FARS2: variants seen among roughly 807,000 people sequenced by gnomAD.
FARS2 encodes phenylalanine--tRNA ligase, mitochondrial.
FARS2 carries 40 observed loss-of-function variants against 46.4 expected under a neutral mutation model. The observed-to-expected ratio is 0.86, with a 90% CI of 0.67 to 1.12. The LOEUF is 1.12. Ranked by LOEUF, FARS2 falls within the 50% of genes most tolerant of loss-of-function variation. The pLI is 0.00. For synonymous variants in FARS2, 234 were observed against 214.9 expected (o/e 1.09, Z -0.78); for missense variants, 513 against 567.9 (o/e 0.90, Z 0.98).
At chr6:5,512,325 GTGCTACCTCTA>G (rs1561675474) in intron 4 of FARS2, among the ~76,000 whole-genome samples, 2 of 152,034 alleles carry the variant, frequency 1.3e-5, no homozygotes, top group Admixed American at 1.3e-4. Flanking sequence ...CCATTACCTG[GTGCTACCTCTA>G]TGCTACCTCA....
intron 4 of FARS2, among the ~76,000 whole-genome samples, chr6:5,436,878 A>G (rs1217072997): frequency 2.0e-5 from 3 of 152,228 alleles, no homozygotes; most frequent in Non-Finnish European, 2.9e-5. Context: ...TATCTATAGC[A>G]TAGGTTGAAT....
At chr6:5,659,869 G>A (rs1194725180) in intron 6 of FARS2, among the ~76,000 whole-genome samples, 1 of 152,214 alleles carries the variant, frequency 6.6e-6, no homozygotes, top group African/African-American at 2.4e-5. Context: ...TTGTTCACAG[G>A]TATTTCATGT....
rs114865196 is a variant in FARS2, at chr6:5,478,542, C to T, written c.904+47370C>T. 4.4e-3 allele frequency among the ~76,000 whole-genome samples: 677 copies of T among 152,260 alleles called. 6 individuals are homozygous for T. Among genetic ancestry groups the T allele is most frequent in the African/African-American group, 0.016 (647 of 41,532 alleles). ...TGTTTCCCAGACCCTGGCTGGAGCT[C>T]CCCATCTGTTCATCCCAGTCTATGC... On this transcript the variant is annotated intron_variant, in intron 4 of 6. Coordinates refer to ENST00000274680, the MANE Select transcript of FARS2 (RefSeq NM_006567.5).
chr6:5,649,447 G>A (rs556830917), intron 6 of FARS2, among the ~76,000 whole-genome samples: 3 of 152,310 alleles, frequency 2.0e-5, no homozygotes, highest in South Asian at 4.1e-4. Context: ...GGAACCCTGA[G>A]GCAAGCTTCT....
At chr6:5,705,565 G>A (rs1758693032) in intron 6 of FARS2, among the ~76,000 whole-genome samples, 1 of 152,088 alleles carries the variant, frequency 6.6e-6, no homozygotes, top group East Asian at 1.9e-4. Flanking sequence ...TGGCAGCCTT[G>A]ACACCTGGCC....
At chr6:5,581,457 G>A (rs1773323638) in intron 5 of FARS2, among the ~76,000 whole-genome samples, 1 of 152,238 alleles carries the variant, frequency 6.6e-6, no homozygotes, top group African/African-American at 2.4e-5. Flanking sequence ...TGCTGAAGAA[G>A]CTGAACATCG....
chr6:5,562,695 T>TACACACACACAC (rs35980009), intron 5 of FARS2, among the ~76,000 whole-genome samples: 10,989 of 135,568 alleles, frequency 0.081, 541 homozygotes, highest in Admixed American at 0.16. Context: ...CTGTAATTTA[T>TACACACACACAC]ACACACACAC....
intron 4 of FARS2, among the ~76,000 whole-genome samples, chr6:5,440,560 C>T (rs1763784993): frequency 6.6e-6 from 1 of 152,168 alleles, no homozygotes. Context: ...TTCATAGGCA[C>T]ACTGGAAAAA....
intron 2 of FARS2, among the ~76,000 whole-genome samples, chr6:5,393,404 C>G (rs1438779947): frequency 6.6e-6 from 1 of 152,050 alleles, no homozygotes; most frequent in Non-Finnish European, 1.5e-5. Flanking sequence ...CGCCTGTAAT[C>G]CCAGCTCTTT....
chr6:5,580,949 G>A (rs1297415813), intron 5 of FARS2, among the ~76,000 whole-genome samples: 1 of 152,234 alleles, frequency 6.6e-6, no homozygotes. Flanking sequence ...CTTTGGGAAA[G>A]TTGTCTATTC....
At chr6:5,664,659 G>C (rs964904082) in intron 6 of FARS2, among the ~76,000 whole-genome samples, 2 of 152,176 alleles carry the variant, frequency 1.3e-5, no homozygotes, top group Non-Finnish European at 1.5e-5. Context: ...CTTACTTGTA[G>C]ACTGGTCTGT....
chr6:5,737,768 T>A (rs1306556066), intron 6 of FARS2, among the ~76,000 whole-genome samples: 1 of 152,144 alleles, frequency 6.6e-6, no homozygotes, highest in Non-Finnish European at 1.5e-5. Flanking sequence ...CCATGTACCC[T>A]TCTTCCGTCT....
intron 5 of FARS2, among the ~76,000 whole-genome samples, chr6:5,583,047 C>T (rs1561730590): frequency 6.6e-6 from 1 of 152,160 alleles, no homozygotes; most frequent in Admixed American, 6.5e-5. Context: ...AGCCCTCATT[C>T]TTTCATCATT....
At chr6:5,732,563 C>T (rs537671843) in intron 6 of FARS2, among the ~76,000 whole-genome samples, 2 of 152,166 alleles carry the variant, frequency 1.3e-5, no homozygotes, top group South Asian at 2.1e-4. Flanking sequence ...TTGGGCCCAT[C>T]AAGAGAGAAT....
rs1175182131 is a variant in FARS2, at chr6:5,717,931, T to TAGAGAGAGAGAGAGAGAGAGAGAG, written c.1218-53359_1218-53358insGAGAGAGAGAGAGAGAGAGAGAGA. 6.8e-3 allele frequency among the ~76,000 whole-genome samples: 800 copies of TAGAGAGAGAGAGAGAGAGAGAGAG among 118,482 alleles called. 25 individuals carry two copies. Among genetic ancestry groups the TAGAGAGAGAGAGAGAGAGAGAGAG allele is most frequent in the African/African-American group, 0.033 (721 of 22,016 alleles). The allele number at this position is 118,482 out of a possible 152,430, so 77.7% of individuals were successfully genotyped here. On this transcript the variant is annotated intron_variant, in intron 6 of 6. Transcript: ENST00000274680. ...AGCTATATATATATATATATATATA[T>TAGAGAGAGAGAGAGAGAGAGAGAG]ATATACAGAGTCTCACTCTGTCGCC... is the stretch of plus-strand genomic sequence containing the variant.
intron 5 of FARS2, among the ~76,000 whole-genome samples, chr6:5,550,211 C>T (rs1771288478): frequency 6.6e-6 from 1 of 152,224 alleles, no homozygotes; most frequent in African/African-American, 2.4e-5. Context: ...GGATAATTCT[C>T]TGTGGCCCTT....
upstream of FARS2, chr6:5,260,918 G>C (rs1020270215): frequency 2.9e-6 from 4 of 1,366,452 alleles, no homozygotes; most frequent in Non-Finnish European, 3.8e-6. Flanking sequence ...CAGGCGTCCC[G>C]CGCCGCTTCG....
At chr6:5,559,327 C>T (rs34557293) in intron 5 of FARS2, among the ~76,000 whole-genome samples, 3,914 of 152,068 alleles carry the variant, frequency 0.026, 65 homozygotes, top group Middle Eastern at 0.051. Flanking sequence ...TTGCTTGAGC[C>T]GGGGAGGTCG....
intron 5 of FARS2, among the ~76,000 whole-genome samples, chr6:5,570,400 C>T (rs1414402816): frequency 2.0e-5 from 3 of 152,164 alleles, no homozygotes; most frequent in Admixed American, 2.0e-4. Flanking sequence ...GTGATAAAAA[C>T]CACAACATCT....
Sources: gnomAD v4.1 joint callset for allele counts (sites outside exome capture counted in the v4.1 genomes callset) on GRCh38, gnomAD v4.1.1 for gene constraint, MANE v1.5 for transcripts, NCBI Gene and HGNC (gene_info 2026-07-23, HGNC 2026-07-21) for gene names.